KHDRBS2: variants seen among roughly 807,000 people sequenced by gnomAD.
KHDRBS2 encodes the protein KH domain-containing, RNA-binding, signal transduction-associated protein 2.
Under a neutral mutation model 44.3 loss-of-function variants are expected in KHDRBS2, and 26 were observed. That is an observed-to-expected ratio of 0.59 (90% CI 0.43 to 0.81). The LOEUF is 0.81. Ranked by LOEUF, KHDRBS2 falls within the 40% of genes least tolerant of loss-of-function variation. The pLI is 0.00. For synonymous variants in KHDRBS2, 194 were observed against 151.1 expected (o/e 1.28, Z -2.08); for missense variants, 476 against 433.1 (o/e 1.10, Z -0.88).
At chr6:61,830,800 C>A (rs1372149693) in intron 6 of KHDRBS2, among the ~76,000 whole-genome samples, 2 of 152,030 alleles carry the variant, frequency 1.3e-5, no homozygotes, top group African/African-American at 2.4e-5. Context: ...TAATAATATA[C>A]TGTAAAGCTT....
chr6:61,780,312 C>A (rs1782739775), intron 6 of KHDRBS2, among the ~76,000 whole-genome samples: 1 of 152,094 alleles, frequency 6.6e-6, no homozygotes, highest in African/African-American at 2.4e-5. Flanking sequence ...CCAGCCTGGG[C>A]AACATGGTGA....
At chr6:61,969,795 T>C (rs1468683435) in intron 4 of KHDRBS2, among the ~76,000 whole-genome samples, 2 of 152,036 alleles carry the variant, frequency 1.3e-5, no homozygotes, top group Non-Finnish European at 2.9e-5. Context: ...AATTATTATA[T>C]GAATTTGTGT....
intron 6 of KHDRBS2, among the ~76,000 whole-genome samples, chr6:61,762,796 C>T (rs1440574513): frequency 2.6e-5 from 4 of 152,156 alleles, no homozygotes; most frequent in African/African-American, 7.2e-5. Context: ...GAAAAACAAT[C>T]AGCATTGAAA....
At chr6:61,725,621 G>C (rs1163648089) in intron 7 of KHDRBS2, among the ~76,000 whole-genome samples, 2 of 152,034 alleles carry the variant, frequency 1.3e-5, no homozygotes, top group Non-Finnish European at 2.9e-5. Flanking sequence ...TATCACCACT[G>C]ACCCCACAGA....
chr6:61,776,387 A>G (rs1011349238), intron 6 of KHDRBS2, among the ~76,000 whole-genome samples: 2 of 152,174 alleles, frequency 1.3e-5, no homozygotes, highest in African/African-American at 4.8e-5. Flanking sequence ...TTCACAACCT[A>G]CTCATCTGAC....
At chr6:61,894,425 A>T (rs551339854) in intron 6 of KHDRBS2, among the ~76,000 whole-genome samples, 48 of 152,264 alleles carry the variant, frequency 3.2e-4, no homozygotes, top group Non-Finnish European at 5.9e-4. Flanking sequence ...AAGCTCTTTA[A>T]CTAGCACTAA....
chr6:62,166,018 A>G (rs879497393), intron 2 of KHDRBS2, among the ~76,000 whole-genome samples: 1 of 151,976 alleles, frequency 6.6e-6, no homozygotes, highest in Non-Finnish European at 1.5e-5. Flanking sequence ...GTCTCTATAA[A>G]TTCACCTGTT....
the KHDRBS2 span, among the ~76,000 whole-genome samples, chr6:61,635,921 C>G: frequency 6.6e-6 from 1 of 152,004 alleles, no homozygotes; most frequent in African/African-American, 2.4e-5. Context: ...ATCTCCCAAA[C>G]AGGTCTAGCA....
Position 61,681,057 on chromosome 6 carries a change from G to C in KHDRBS2, c.956C>G (p.Pro319Arg). 6.2e-7 allele frequency: 1 copy of C among 1,609,280 alleles called. No individual in the cohort carries two copies. Among genetic ancestry groups the C allele is most frequent in the Non-Finnish European group, 8.5e-7 (1 of 1,176,786 alleles). ...AGAGCGGGTTGTGGCCCATTCTTCT[G>C]GTGCTGTGAAAAAGAGAAAGATAGT... is the stretch of plus-strand genomic sequence containing the variant. The part of the protein sequence containing the change: ...VSEDAYDSYA[P>R]EEWATTRSSL... Residue 319 changes from proline to arginine, a missense_variant, in exon 9 of 9, where the codon CCA (proline) becomes CGA (arginine). Transcript: ENST00000281156.
At chr6:61,750,148 G>A (rs1052278095) in intron 6 of KHDRBS2, among the ~76,000 whole-genome samples, 17 of 152,094 alleles carry the variant, frequency 1.1e-4, no homozygotes, top group African/African-American at 4.1e-4. Flanking sequence ...TTCTTAACAT[G>A]AGGAATATCT....
chr6:61,837,556 C>T (rs1314985485), intron 6 of KHDRBS2, among the ~76,000 whole-genome samples: 1 of 151,982 alleles, frequency 6.6e-6, no homozygotes, highest in Non-Finnish European at 1.5e-5. Context: ...TTTCCCTTTC[C>T]TCTAATGTCA....
intron 6 of KHDRBS2, among the ~76,000 whole-genome samples, chr6:61,848,504 TATATATGTATATATGTATATATATATAC>T (rs1794824196): frequency 3.1e-4 from 17 of 55,156 alleles, no homozygotes; most frequent in South Asian, 2.4e-3. Context: ...TATATATATA[TATATATGTATATATGTATATATATATAC>T]ATATATATGT....
chr6:61,856,327 C>T (rs1796146777), intron 6 of KHDRBS2, among the ~76,000 whole-genome samples: 1 of 152,094 alleles, frequency 6.6e-6, no homozygotes, highest in African/African-American at 2.4e-5. Flanking sequence ...CTGAAACCTG[C>T]TGGCTATTAT....
At chr6:62,269,004 G>C (rs749510357) in intron 1 of KHDRBS2, among the ~76,000 whole-genome samples, 1 of 151,928 alleles carries the variant, frequency 6.6e-6, no homozygotes, top group South Asian at 2.1e-4. Context: ...ACAGCATTGG[G>C]CAGAGAAAAT....
chr6:62,037,802 T>TTAC (rs1785615581), intron 3 of KHDRBS2, among the ~76,000 whole-genome samples: 1 of 152,032 alleles, frequency 6.6e-6, no homozygotes, highest in Admixed American at 6.6e-5. Context: ...GCATAACAGA[T>TTAC]TACTGTCCAT....
At chr6:62,174,918 T>C (rs1306333193) in intron 2 of KHDRBS2, among the ~76,000 whole-genome samples, 1 of 151,746 alleles carries the variant, frequency 6.6e-6, no homozygotes, top group Non-Finnish European at 1.5e-5. Flanking sequence ...ATTTTACAGA[T>C]CATAAATGTA....
intron 1 of KHDRBS2, among the ~76,000 whole-genome samples, chr6:62,249,068 C>T (rs1422014643): frequency 1.3e-5 from 2 of 152,050 alleles, no homozygotes; most frequent in Admixed American, 1.3e-4. Context: ...AATTTTTTTA[C>T]AACTCAGTGC....
intron 2 of KHDRBS2, among the ~76,000 whole-genome samples, chr6:62,105,418 T>A (rs1802961534): frequency 6.6e-6 from 1 of 152,222 alleles, no homozygotes; most frequent in African/African-American, 2.4e-5. Context: ...GGAGTCTTTT[T>A]GGTTGGTAAG....
intron 6 of KHDRBS2, among the ~76,000 whole-genome samples, chr6:61,810,546 A>G (rs146229917): frequency 6.6e-6 from 1 of 152,274 alleles, no homozygotes; most frequent in Non-Finnish European, 1.5e-5. Context: ...AAGCCTACAA[A>G]TTTGTAAATA....
Sources: allele counts gnomAD v4.1 joint callset (sites outside exome capture counted in the v4.1 genomes callset), GRCh38; gene constraint gnomAD v4.1.1; transcripts MANE v1.5; gene names NCBI Gene and HGNC (gene_info 2026-07-23, HGNC 2026-07-21).